Variants in SLC13A1 observed in about 807,000 individuals in gnomAD.
The protein encoded by SLC13A1 is solute carrier family 13 member 1.
A neutral mutation model predicts 70.0 loss-of-function variants in SLC13A1; 65 were observed. The observed-to-expected ratio is 0.93, with a 90% CI of 0.76 to 1.14. The LOEUF (loss-of-function observed/expected upper bound fraction) is 1.14. SLC13A1 is among the 50% of genes most tolerant of loss of function. The pLI is 0.00. For synonymous variants in SLC13A1, 275 were observed against 250.5 expected (o/e 1.10, Z -0.92); for missense variants, 726 against 717.8 (o/e 1.01, Z -0.13).
chr7:123,118,224 A>T (rs1372633881), intron 13 of SLC13A1, among the ~76,000 whole-genome samples: 2 of 152,120 alleles, frequency 1.3e-5, no homozygotes, highest in African/African-American at 2.4e-5. Flanking sequence ...CTTAGGGTTC[A>T]TCATATAAGA....
intron 3 of SLC13A1, among the ~76,000 whole-genome samples, chr7:123,170,203 T>C (rs1211122219): frequency 1.3e-5 from 2 of 152,160 alleles, no homozygotes; most frequent in Non-Finnish European, 2.9e-5. Flanking sequence ...GACACCCTTT[T>C]AAAACAGATG....
chr7:123,194,941 C>A (rs903230619), intron 1 of SLC13A1, among the ~76,000 whole-genome samples: 6 of 152,104 alleles, frequency 3.9e-5, no homozygotes, highest in Non-Finnish European at 7.4e-5. Flanking sequence ...TTTAATTACG[C>A]CTTCATAGCA....
At chr7:123,123,412 C>A (rs1419776688) in intron 11 of SLC13A1, among the ~76,000 whole-genome samples, 177 bp from the exon 12 acceptor site, 1 of 151,928 alleles carries the variant, frequency 6.6e-6, no homozygotes, top group Non-Finnish European at 1.5e-5. Flanking sequence ...GAACATTCTA[C>A]TATAAAAAAG....
chr7:123,149,461 T>A (rs561104679), intron 6 of SLC13A1: 2 of 456,538 alleles, frequency 4.4e-6, no homozygotes, highest in African/African-American at 4.0e-5. Context: ...AGTAGGAGAC[T>A]CTTCCCTTCT....
chr7:123,175,986 T>C (rs1003000944), intron 2 of SLC13A1, among the ~76,000 whole-genome samples: 2 of 152,204 alleles, frequency 1.3e-5, no homozygotes, highest in African/African-American at 4.8e-5. Flanking sequence ...GTCTTCATTG[T>C]AATTATTCAA....
intron 14 of SLC13A1, among the ~76,000 whole-genome samples, chr7:123,116,454 T>C (rs1296960552): frequency 6.6e-6 from 1 of 152,194 alleles, no homozygotes; most frequent in African/African-American, 2.4e-5. Flanking sequence ...TTTGCCTTTT[T>C]ACAGAGAAAG....
At chr7:123,124,600 A>G (rs988526974) in intron 11 of SLC13A1, among the ~76,000 whole-genome samples, 2 of 152,156 alleles carry the variant, frequency 1.3e-5, no homozygotes, top group Non-Finnish European at 2.9e-5. Context: ...GTTGTCCCAC[A>G]TTGACAAGAT....
At chr7:123,127,494 A>AT (rs1325811046) in intron 10 of SLC13A1, among the ~76,000 whole-genome samples, 1 of 152,114 alleles carries the variant, frequency 6.6e-6, no homozygotes, top group African/African-American at 2.4e-5. Flanking sequence ...GGGAAGCATT[A>AT]TTTTTTATGT....
chr7:123,148,067 C>T (rs1272663590), intron 6 of SLC13A1, among the ~76,000 whole-genome samples: 1 of 152,140 alleles, frequency 6.6e-6, no homozygotes, highest in Non-Finnish European at 1.5e-5. Context: ...AGAGATAAGT[C>T]AGTGTCCTCT....
At chr7:123,143,349 T>C (rs1274485583) in intron 7 of SLC13A1, among the ~76,000 whole-genome samples, 1 of 152,084 alleles carries the variant, frequency 6.6e-6, no homozygotes, top group Non-Finnish European at 1.5e-5. Context: ...TCAGAGTTAT[T>C]TTTGGCCCCA....
chr7:123,162,728 G>A (rs1384997409), intron 6 of SLC13A1, among the ~76,000 whole-genome samples: 1 of 151,942 alleles, frequency 6.6e-6, no homozygotes. Flanking sequence ...CTAATATTAT[G>A]AACCATGTTT....
chr7:123,120,498 T>C (rs1168230069), intron 12 of SLC13A1, among the ~76,000 whole-genome samples: 1 of 152,046 alleles, frequency 6.6e-6, no homozygotes, highest in Non-Finnish European at 1.5e-5. Context: ...ATACTCAGAT[T>C]AGCAAGGATG....
At chr7:123,158,848 A>G (rs1323589814) in intron 6 of SLC13A1, among the ~76,000 whole-genome samples, 1 of 152,128 alleles carries the variant, frequency 6.6e-6, no homozygotes, top group African/African-American at 2.4e-5. Flanking sequence ...CTATAAAAAC[A>G]TGTTTCAAGA....
intron 6 of SLC13A1, among the ~76,000 whole-genome samples, chr7:123,149,919 C>A (rs992890027): frequency 9.2e-5 from 14 of 152,100 alleles, no homozygotes; most frequent in Non-Finnish European, 1.5e-4. Flanking sequence ...CTTAAAAAAA[C>A]TCCAAACTCT....
At chr7:123,189,129 A>AAG (rs1554555873) in intron 1 of SLC13A1, among the ~76,000 whole-genome samples, 7 of 150,512 alleles carry the variant, frequency 4.7e-5, no homozygotes, top group African/African-American at 1.5e-4. Flanking sequence ...AAAAAAAAAA[A>AAG]AAAGAAAGAA....
chr7:123,134,624 G>GT (rs1793889815), intron 7 of SLC13A1, 95 bp from the exon 8 acceptor site: 3 of 1,222,130 alleles, frequency 2.5e-6, no homozygotes, highest in Non-Finnish European at 3.4e-6. Context: ...TCTTTCCTGT[G>GT]TTTCTGTCCA....
chr7:123,166,387 C>A lies in SLC13A1; in HGVS notation c.660+1987G>T, dbSNP rs560243144. 1.3e-3 allele frequency among the ~76,000 whole-genome samples: 129 copies of A among 97,008 alleles called. 1 individual carries two copies. The highest frequency in any genetic ancestry group is 4.0e-3 in the African/African-American group (125 of 31,106). 63.6% of individuals were successfully genotyped at this position (97,008 alleles called of 152,430 possible). The stretch of plus-strand genomic sequence containing the variant: ...CAATTTTCATAACAGCTTTTAAAGC[C>A]CATTTCTTTATTTTTTTTTATTATA... On this transcript the variant is annotated intron_variant, in intron 6 of 14. Transcript: ENST00000194130.
At chr7:123,134,713 A>G (rs943871200) in intron 7 of SLC13A1, among the ~76,000 whole-genome samples, 184 bp from the exon 8 acceptor site, 1 of 152,192 alleles carries the variant, frequency 6.6e-6, no homozygotes, top group Non-Finnish European at 1.5e-5. Flanking sequence ...CTGGAACTGC[A>G]TAATTATCAC....
chr7:123,195,166 T>C (rs1332961196), intron 1 of SLC13A1, among the ~76,000 whole-genome samples: 1 of 152,124 alleles, frequency 6.6e-6, no homozygotes, highest in Admixed American at 6.6e-5. Flanking sequence ...TAAAAATATA[T>C]TACCAAAATT....
Sources: allele counts gnomAD v4.1 joint callset (sites outside exome capture counted in the v4.1 genomes callset), GRCh38; gene constraint gnomAD v4.1.1; transcripts MANE v1.5; gene names NCBI Gene and HGNC (gene_info 2026-07-23, HGNC 2026-07-21).